The following TRAK1 variants were observed in gnomAD, a reference collection of about 807,000 sequenced individuals.
TRAK1 encodes trafficking kinesin protein 1, also known as trafficking kinesin-binding protein 1.
Under a neutral mutation model 92.1 loss-of-function variants are expected in TRAK1, and 33 were observed. That is an observed-to-expected ratio of 0.36 (90% CI 0.27 to 0.48). The LOEUF (loss-of-function observed/expected upper bound fraction) is 0.48, where lower values mean the gene tolerates loss of function less well. TRAK1 is among the 20% of genes least tolerant of loss of function. The pLI is 0.99. For synonymous variants in TRAK1, 521 were observed against 517.3 expected, an observed-to-expected ratio of 1.01 and a Z score of -0.10; for missense variants, 1,123 against 1,257.9, an observed-to-expected ratio of 0.89 and a Z score of 1.62.
Position 42,160,354 on chromosome 3 carries a change from C to A in TRAK1, c.287-16460C>A, listed in dbSNP as rs374936361. ...GGGTGATGTTTTGGCTTTGGGGTGACTTCAGCAATGTCCCTGCGAGACAAG... is the reference window on the plus strand; with the variant it reads ...GGGTGATGTTTTGGCTTTGGGGTGAATTCAGCAATGTCCCTGCGAGACAAG... On this transcript the variant is annotated intron_variant, in intron 2 of 15. Coordinates refer to ENST00000327628, the MANE Select transcript of TRAK1 (RefSeq NM_001042646.3). The A allele has an allele frequency of 3.3e-4, 532 of 1,613,888 alleles. 1 individual carries two copies. Among genetic ancestry groups the A allele is most frequent in the Non-Finnish European group, 4.3e-4 (512 of 1,179,906 alleles).
chr3:42,217,718 CT>C lies in TRAK1; in HGVS notation c.1964-1775del, dbSNP rs1191772583. On this transcript the variant is annotated intron_variant, in intron 14 of 15. Coordinates refer to ENST00000327628, the MANE Select transcript of TRAK1 (RefSeq NM_001042646.3). Reference sequence around the variant, plus strand: ...CTTATTTCTATTTACTGCTTTCCCCCTCTCCTCCTTCCCAAATAACCCCTCA... The same window carrying C: ...CTTATTTCTATTTACTGCTTTCCCCCCTCCTCCTTCCCAAATAACCCCTCA... 6 of 985,286 alleles carry C rather than the reference CT, an allele frequency of 6.1e-6. No individual in the cohort carries two copies. In the East Asian group the frequency reaches 6.8e-4, roughly 112 times the overall value. The allele number at this position is 985,286 out of a possible 1,614,324, so 61.0% of individuals were successfully genotyped here.
rs1381928532 is a variant in TRAK1 at position 42,224,055 on chromosome 3, T to C, written c.*318T>C. 1 of 519,112 alleles carries C rather than the reference T, an allele frequency of 1.9e-6. No individual in the cohort carries two copies. The highest frequency in any genetic ancestry group is 5.1e-5 in the East Asian group (1 of 19,780). The allele number at this position is 519,112 out of a possible 1,614,324, so 32.2% of individuals were successfully genotyped here. ...AGGTGGGGTCCTTTCTTCTTTCCTT[T>C]TGAGAAGCACTGAAACTCCCAAGTG... is the stretch of plus-strand genomic sequence containing the variant. On this transcript the variant is annotated 3_prime_UTR_variant, in exon 16 of 16. Transcript: ENST00000327628.
chr3:42,224,369 C>T lies in TRAK1; in HGVS notation c.*632C>T, dbSNP rs559300161. On this transcript the variant is annotated 3_prime_UTR_variant, in exon 16 of 16. Transcript: ENST00000327628. ...TGACCTTTTGTTTTCATGCCTTCCC[C>T]TTGAAGTCATCCTGTGTTTTGTAAT... The T allele has an allele frequency of 1.9e-5, 5 of 269,940 alleles. No homozygotes were observed. Among genetic ancestry groups the T allele is most frequent in the Admixed American group, 1.7e-4 (3 of 17,444 alleles). 16.7% of individuals were successfully genotyped at this position (269,940 alleles called of 1,614,324 possible).
At chr3:42,207,168 G>A (rs534182396) in intron 13 of TRAK1, among the ~76,000 whole-genome samples, 7 of 152,152 alleles carry the variant, frequency 4.6e-5, no homozygotes, top group East Asian at 1.9e-4. Flanking sequence ...AGACTCCAGT[G>A]TACAGTCCCA....
At chr3:42,067,890 G>C (rs747980030) in intron 1 of TRAK1, among the ~76,000 whole-genome samples, 3 of 151,796 alleles carry the variant, frequency 2.0e-5, no homozygotes, top group Non-Finnish European at 4.4e-5. Flanking sequence ...AGGATCTTAT[G>C]GCCAGGCGCA....
rs1461339113 is a variant in TRAK1 at position 42,225,681 on chromosome 3, C to T, written c.*1944C>T. 6.6e-6 allele frequency: 1 copy of T among 152,090 alleles called. No homozygotes were observed. The highest frequency in any genetic ancestry group is 2.4e-5 in the African/African-American group (1 of 41,424). The allele number at this position is 152,090 out of a possible 1,614,324, so 9.4% of individuals were successfully genotyped here. Reference sequence around the variant, plus strand: ...TAAATAAACGGTCAACATTGTGCAACCACTACCAAAAAGTGTGTTGTAATG... The same window carrying T: ...TAAATAAACGGTCAACATTGTGCAATCACTACCAAAAAGTGTGTTGTAATG... On this transcript the variant is annotated 3_prime_UTR_variant, in exon 16 of 16. Transcript: ENST00000327628.
At chr3:42,148,671 G>A (rs58499144) in intron 2 of TRAK1, among the ~76,000 whole-genome samples, 2 of 152,082 alleles carry the variant, frequency 1.3e-5, no homozygotes, top group Non-Finnish European at 2.9e-5. Flanking sequence ...TTGTGATGGC[G>A]CCCTCCTCTA....
At chr3:42,198,565 C>T (rs1447311679) in intron 10 of TRAK1, among the ~76,000 whole-genome samples, 4 of 152,142 alleles carry the variant, frequency 2.6e-5, no homozygotes, top group East Asian at 1.9e-4. Context: ...GATGGCAGTG[C>T]GTGTGACTCA....
rs1710624350 is a variant in TRAK1, at chr3:42,224,273, T to A, written c.*536T>A. 2.8e-5 allele frequency: 9 copies of A among 324,604 alleles called. 1 individual carries two copies. Among genetic ancestry groups the A allele is most frequent in the South Asian group, 2.2e-4 (9 of 41,408 alleles). 20.1% of individuals were successfully genotyped at this position (324,604 alleles called of 1,614,324 possible). On this transcript the variant is annotated 3_prime_UTR_variant, in exon 16 of 16. Coordinates refer to ENST00000327628, the MANE Select transcript of TRAK1 (RefSeq NM_001042646.3). ...TTTCCTGATCGGAGGGCTTTTCTTTTATGGGTGGCCCAGCTTCTTCAAGAC... is the reference window on the plus strand; with the variant it reads ...TTTCCTGATCGGAGGGCTTTTCTTTAATGGGTGGCCCAGCTTCTTCAAGAC...
At chr3:42,080,062 T>C (rs764052999) in intron 1 of TRAK1, among the ~76,000 whole-genome samples, 1 of 152,032 alleles carries the variant, frequency 6.6e-6, no homozygotes, top group African/African-American at 2.4e-5. Flanking sequence ...AGATGAGGGG[T>C]CTGAGGCCCA....
At chr3:42,183,036 A>G (rs1171106753) in intron 3 of TRAK1, among the ~76,000 whole-genome samples, 2 of 152,178 alleles carry the variant, frequency 1.3e-5, no homozygotes, top group African/African-American at 2.4e-5. Context: ...TCAATTTGTG[A>G]CCAGTACCTG....
intron 14 of TRAK1, chr3:42,210,878 T>C: frequency 1.0e-6 from 1 of 985,238 alleles, no homozygotes; most frequent in South Asian, 4.7e-5. Context: ...GGTGTGGCCA[T>C]GAGTTTACAG....
intron 2 of TRAK1, among the ~76,000 whole-genome samples, chr3:42,141,901 C>T (rs1015808027): frequency 2.0e-5 from 3 of 152,046 alleles, no homozygotes; most frequent in East Asian, 1.9e-4. Context: ...TTTGGGAGGC[C>T]GAGGCAAGCA....
At chr3:42,136,528 G>A (rs1697970835) in intron 2 of TRAK1, among the ~76,000 whole-genome samples, 1 of 151,968 alleles carries the variant, frequency 6.6e-6, no homozygotes, top group Admixed American at 6.6e-5. Flanking sequence ...GGAGGCTAAG[G>A]TGGGCGGGTC....
chr3:42,183,686 A>G (rs1271014801), intron 3 of TRAK1, among the ~76,000 whole-genome samples: 1 of 152,140 alleles, frequency 6.6e-6, no homozygotes, highest in African/African-American at 2.4e-5. Flanking sequence ...ACTCCTCCCC[A>G]GCATTTTTCC....
At chr3:42,117,678 C>A (rs958366548) in intron 1 of TRAK1, among the ~76,000 whole-genome samples, 11 of 152,126 alleles carry the variant, frequency 7.2e-5, no homozygotes, top group African/African-American at 2.4e-4. Flanking sequence ...AGGCACGAGG[C>A]CCAGAAACCC....
intron 1 of TRAK1, among the ~76,000 whole-genome samples, chr3:42,100,092 G>A (rs1336385685): frequency 6.6e-6 from 1 of 152,214 alleles, no homozygotes; most frequent in Non-Finnish European, 1.5e-5. Context: ...AGGACCAGTG[G>A]CTCACACCTG....
intron 1 of TRAK1, among the ~76,000 whole-genome samples, chr3:42,057,123 A>G (rs1440275097): frequency 6.6e-6 from 1 of 152,208 alleles, no homozygotes; most frequent in East Asian, 1.9e-4. Context: ...ACACTGGTGC[A>G]TTTTAAGGTG....
chr3:42,056,110 T>C (rs1335145724), intron 1 of TRAK1, among the ~76,000 whole-genome samples: 1 of 152,252 alleles, frequency 6.6e-6, no homozygotes, highest in Non-Finnish European at 1.5e-5. Flanking sequence ...TTATTTCCAC[T>C]TTTTGGCTAT....
Sources: allele counts gnomAD v4.1 joint callset (sites outside exome capture counted in the v4.1 genomes callset), GRCh38; gene constraint gnomAD v4.1.1; transcripts MANE v1.5; gene names NCBI Gene and HGNC (gene_info 2026-07-23, HGNC 2026-07-21).